ANGPTL2: variants seen among roughly 807,000 people sequenced by gnomAD.
ANGPTL2 encodes angiopoietin like 2, also known as angiopoietin-related protein 2.
In ANGPTL2, 25 loss-of-function variants were observed where a neutral mutation model predicts 52.8. The ratio of observed to expected loss-of-function variants is 0.47; its 90% CI spans 0.35 to 0.66. The LOEUF (loss-of-function observed/expected upper bound fraction) is 0.66, where lower values mean the gene tolerates loss of function less well. Among genes scored for constraint, ANGPTL2 ranks in the 30% least tolerant of loss-of-function variants. ANGPTL2 has a pLI of 0.01. For missense variants in ANGPTL2, 546 were observed against 656.9 expected (o/e 0.83, Z 1.84); for synonymous variants, 276 against 277.4 (o/e 1.00, Z 0.05).
intron 3 of ANGPTL2, among the ~76,000 whole-genome samples, chr9:127,092,675 A>G (rs190236112): frequency 6.6e-6 from 1 of 152,336 alleles, no homozygotes; most frequent in East Asian, 1.9e-4. Flanking sequence ...TGAGGCCCAG[A>G]GAGGCTCAGG....
In ANGPTL2 at chr9:127,108,351, G is replaced by T. The variant is rs1355476836; in HGVS notation, c.381C>A (p.Ser127Arg). ...GCGTGACCCGCGAGTTCATGTTGCG[G>T]CTCTCCTTGCGCAGCAGCTTCACCT... is the stretch of plus-strand genomic sequence containing the variant. ...VSEVKLLRKE[S>R]RNMNSRVTQL... The change falls in exon 2 of 5, where the codon AGC (serine) becomes AGA (arginine). Residue 127 changes from serine (S) to arginine (R), a missense_variant. Transcript: ENST00000373425. The T allele has an allele frequency of 3.7e-6, 6 of 1,612,040 alleles. No homozygotes were observed. Among genetic ancestry groups the T allele is most frequent in the Non-Finnish European group, 5.1e-6 (6 of 1,179,008 alleles).
rs1374452872 is a variant in ANGPTL2 at position 127,108,288 on chromosome 9, C to G, written c.444G>C (p.Lys148Asn). The change falls in exon 2 of 5, where the codon AAG becomes AAC. Residue 148 changes from lysine (K) to asparagine (N), a missense_variant. This residue lies in a region of ANGPTL2 where 285 missense variants were observed against 295.8 expected (regional missense o/e 0.96). Transcript: ENST00000373425. ...GGGAGAGCTCCAACGCGTTGTCCCG[C>G]TTGCGGATGATCTCGTGCAGGAGCT... ...YMQLLHEIIRKRDNALELSQL... is the reference protein window; with the variant it reads ...YMQLLHEIIRNRDNALELSQL... The G allele has an allele frequency of 6.2e-7, 1 of 1,613,902 alleles. No homozygotes were observed. Among genetic ancestry groups the G allele is most frequent in the Non-Finnish European group, 8.5e-7 (1 of 1,179,992 alleles).
chr9:127,108,884 A>C (rs921075403), intron 1 of ANGPTL2, 104 bp from the exon 2 acceptor site: 4 of 828,222 alleles, frequency 4.8e-6, no homozygotes, highest in Non-Finnish European at 7.3e-6. Flanking sequence ...AGCTTTCCAA[A>C]AACTCTGCTT....
chr9:127,095,184 G>C (rs747478259), intron 2 of ANGPTL2, among the ~76,000 whole-genome samples: 71 of 152,208 alleles, frequency 4.7e-4, no homozygotes, highest in Admixed American at 2.1e-3. Flanking sequence ...AGATCACAAA[G>C]TCAGGAGATC....
At chr9:127,100,342 A>C (rs1479471177) in intron 2 of ANGPTL2, among the ~76,000 whole-genome samples, 1 of 152,222 alleles carries the variant, frequency 6.6e-6, no homozygotes, top group African/African-American at 2.4e-5. Context: ...GGGCCCAGAA[A>C]GGGCTTATAA....
chr9:127,105,029 C>T (rs2054083809), intron 2 of ANGPTL2, among the ~76,000 whole-genome samples: 1 of 152,110 alleles, frequency 6.6e-6, no homozygotes, highest in Admixed American at 6.5e-5. Flanking sequence ...CAGTTTAGTC[C>T]TCAACACCAG....
In ANGPTL2 at chr9:127,091,832, C is replaced by A; in HGVS notation, c.1120G>T (p.Gly374Cys). 1 of 1,614,144 alleles carries A rather than the reference C, an allele frequency of 6.2e-7. No individual in the cohort carries two copies. The highest frequency in any genetic ancestry group is 8.5e-7 in the Non-Finnish European group (1 of 1,180,016). The change falls in exon 4 of 5, where the codon GGC becomes TGC. Residue 374 changes from glycine (G) to cysteine (C), a missense_variant. Gly to Cys is a radical substitution (Grantham distance 159, BLOSUM62 -3). Transcript: ENST00000373425. The surrounding 1 kb of genome is among the most constrained non-coding windows in gnomAD (Gnocchi z 4.3). ...GCGTATTCTGCAAAGACTTTGCGGC[C>A]GGACCAGTCCTCCATGGTCACCAGG... ...KLLVTMEDWS[G>C]RKVFAEYASF...
At position 127,108,605 on chromosome 9, in the gene ANGPTL2, T is replaced by C; in HGVS notation, c.127A>G (p.Arg43Gly). The C allele has an allele frequency of 6.2e-7, 1 of 1,613,638 alleles. No homozygotes were observed. Among genetic ancestry groups the C allele is most frequent in the South Asian group, 1.1e-5 (1 of 91,014 alleles). ...GSPREFIYLN[R>G]YKRAGESQDK... ...TGGGACTCGCCCGCCCGCTTGTACC[T>C]GTTTAGGTAAATGAACTCTCTTGGC... is the stretch of plus-strand genomic sequence containing the variant. The change falls in exon 2 of 5, where the codon AGG becomes GGG. Residue 43 changes from arginine to glycine, a missense_variant. This residue lies in a region of ANGPTL2 where 285 missense variants were observed against 295.8 expected (regional missense o/e 0.96). Transcript: ENST00000373425.
In ANGPTL2 at chr9:127,108,792, C is replaced by T; in HGVS notation, c.-49-12G>A. On this transcript the variant is annotated splice_polypyrimidine_tract_variant and intron_variant, in intron 1 of 4. Transcript: ENST00000373425. ...GAATCTATGAAAGCCTGAAAGTAAA[C>T]AGAGGGGAGAATCAGTGATGGTCCC... 1 of 1,507,024 alleles carries T rather than the reference C, an allele frequency of 6.6e-7. No individual in the cohort carries two copies. The highest frequency in any genetic ancestry group is 8.9e-7 in the Non-Finnish European group (1 of 1,121,316). The allele number at this position is 1,507,024 out of a possible 1,614,324, so 93.4% of individuals were successfully genotyped here. A position where few individuals can be genotyped will look rare whatever the true frequency, so the allele number is the denominator to read the frequency against.
Position 127,108,770 on chromosome 9 carries a change from T to A in ANGPTL2, c.-39A>T. 6.4e-7 allele frequency: 1 copy of A among 1,559,354 alleles called. No homozygotes were observed. The highest frequency in any genetic ancestry group is 8.7e-7 in the Non-Finnish European group (1 of 1,150,962). ...TGGTGGTTATTCTTTGTGAATAGAA[T>A]CTATGAAAGCCTGAAAGTAAACAGA... On this transcript the variant is annotated 5_prime_UTR_variant, in exon 2 of 5. Coordinates refer to ENST00000373425, the MANE Select transcript of ANGPTL2 (RefSeq NM_012098.3).
At position 127,108,500 on chromosome 9, in the gene ANGPTL2, C is replaced by A; in HGVS notation, c.232G>T (p.Val78Leu). ...TTATGCACTCGGTTCTCCAGAAGCA[C>A]CTCAGGCTCCTTGGAGTTGACGCAG... is the stretch of plus-strand genomic sequence containing the variant. ...AICVNSKEPE[V>L]LLENRVHKQE... is the part of the protein sequence containing the mutation. Residue 78 changes from valine to leucine, a missense_variant, in exon 2 of 5, where the codon GTG becomes TTG. Val to Leu is a conservative substitution (Grantham distance 32, BLOSUM62 1). Coordinates refer to ENST00000373425, the MANE Select transcript of ANGPTL2 (RefSeq NM_012098.3). 3 of 1,612,872 alleles carry A rather than the reference C, an allele frequency of 1.9e-6. No individual in the cohort carries two copies. The highest frequency in any genetic ancestry group is 2.5e-6 in the Non-Finnish European group (3 of 1,179,686).
At chr9:127,104,929 C>T (rs2054073392) in intron 2 of ANGPTL2, among the ~76,000 whole-genome samples, 1 of 152,202 alleles carries the variant, frequency 6.6e-6, no homozygotes, top group Admixed American at 6.5e-5. Flanking sequence ...GAACCTGCCC[C>T]AAGCTCTCTG....
In ANGPTL2 at chr9:127,108,366, C is replaced by T. The variant is rs2054454770; in HGVS notation, c.366G>A (p.Leu122=). Reference sequence around the variant, plus strand: ...TCATGTTGCGGCTCTCCTTGCGCAGCAGCTTCACCTCGCTCACAATGCCGC... The same window carrying T: ...TCATGTTGCGGCTCTCCTTGCGCAGTAGCTTCACCTCGCTCACAATGCCGC... The part of the protein sequence containing the change: ...VDGGIVSEVK[L]LRKESRNMNS... The change falls in exon 2 of 5, where the codon CTG becomes CTA. Residue 122 remains leucine (L), a synonymous_variant. Transcript: ENST00000373425. 2.5e-6 allele frequency: 4 copies of T among 1,611,162 alleles called. No homozygotes were observed. Among genetic ancestry groups the T allele is most frequent in the Non-Finnish European group, 3.4e-6 (4 of 1,178,480 alleles).
chr9:127,095,009 A>G (rs2052947178), intron 2 of ANGPTL2, among the ~76,000 whole-genome samples: 1 of 152,172 alleles, frequency 6.6e-6, no homozygotes, highest in African/African-American at 2.4e-5. Context: ...GGCCTTTCTC[A>G]TTGATCTGAG....
chr9:127,112,184 G>A (rs571561928), intron 1 of ANGPTL2, among the ~76,000 whole-genome samples: 1 of 152,324 alleles, frequency 6.6e-6, no homozygotes, highest in African/African-American at 2.4e-5. Context: ...AAAGGTGTGT[G>A]GGAGCTTCTG....
At position 127,089,007 on chromosome 9, in the gene ANGPTL2, G is replaced by C. The variant is rs375360881; in HGVS notation, c.1414C>G (p.Arg472Gly). The change falls in exon 5 of 5, where the codon CGA (arginine) becomes GGA (glycine). Residue 472 changes from arginine (R) to glycine (G), a missense_variant. Physicochemically the swap from Arg to Gly is moderately radical, Grantham distance 125. This residue lies in a region of ANGPTL2 where 261 missense variants were observed against 361.0 expected (regional missense o/e 0.72). Transcript: ENST00000373425. ...YQDGVYWAEF[R>G]GGSYSLKKVV... ...TTCTTGAGTGAGTAAGAGCCTCCTC[G>C]GAACTCAGCCCAGTAGACTCCGTCC... 1.2e-6 allele frequency: 2 copies of C among 1,614,194 alleles called. No individual in the cohort carries two copies. Among genetic ancestry groups the C allele is most frequent in the East Asian group, 4.5e-5 (2 of 44,878 alleles).
At chr9:127,089,740 ACAT>A (rs2052230360) in intron 4 of ANGPTL2, among the ~76,000 whole-genome samples, 1 of 152,244 alleles carries the variant, frequency 6.6e-6, no homozygotes, top group African/African-American at 2.4e-5. Flanking sequence ...TGGCATTATC[ACAT>A]CATGCTGAAT....
intron 2 of ANGPTL2, among the ~76,000 whole-genome samples, chr9:127,102,379 A>AT (rs1457364291): frequency 1.3e-5 from 2 of 152,012 alleles, no homozygotes; most frequent in Non-Finnish European, 1.5e-5. Context: ...GCATCTCAGG[A>AT]TTAATACTAT....
chr9:127,093,853 C>G lies in ANGPTL2; in HGVS notation c.891G>C (p.Glu297Asp), dbSNP rs777951105. ...ACACCTGCATGAGGCGGTTGGTGTT[C>G]TCCGGCTTCACCAGGTAGATGGAGC... ...DTSSIYLVKPENTNRLMQVWC... is the reference protein window; with the variant it reads ...DTSSIYLVKPDNTNRLMQVWC... The change falls in exon 3 of 5, where the codon GAG (glutamate) becomes GAC (aspartate). Residue 297 changes from glutamate (E) to aspartate (D), a missense_variant. Glu to Asp is a conservative substitution (Grantham distance 45). Transcript: ENST00000373425. The G allele has an allele frequency of 1.2e-6, 2 of 1,614,100 alleles. No individual in the cohort carries two copies. Among genetic ancestry groups the G allele is most frequent in the Non-Finnish European group, 1.7e-6 (2 of 1,180,032 alleles).
Sources: allele counts gnomAD v4.1 joint callset (sites outside exome capture counted in the v4.1 genomes callset), GRCh38; gene constraint gnomAD v4.1.1; regional missense constraint gnomAD v4.1.1; non-coding constraint Gnocchi (gnomAD v3.1); transcripts MANE v1.5; gene names NCBI Gene and HGNC (gene_info 2026-07-23, HGNC 2026-07-21).